ZNRF2: variants seen among roughly 807,000 people sequenced by gnomAD.
ZNRF2 encodes the protein zinc and ring finger 2, also known as E3 ubiquitin-protein ligase ZNRF2.
A neutral mutation model predicts 20.4 loss-of-function variants in ZNRF2; 16 were observed. The ratio of observed to expected loss-of-function variants is 0.79; its 90% CI spans 0.53 to 1.19. The LOEUF is 1.19. Ranked by LOEUF, ZNRF2 falls within the 50% of genes most tolerant of loss-of-function variation. The probability of loss-of-function intolerance (pLI) is 0.00; values close to 1 mark genes in which losing one functional copy is unlikely to be tolerated. For synonymous variants in ZNRF2, 178 were observed against 144.9 expected (o/e 1.23, Z -1.64); for missense variants, 363 against 332.4 (o/e 1.09, Z -0.72).
Position 30,323,729 on chromosome 7 carries a change from C to A in ZNRF2, c.557C>A (p.Thr186Asn). Residue 186 changes from threonine to asparagine, a missense_variant, in exon 2 of 5, where the codon ACC becomes AAC. Physicochemically the swap from Thr to Asn is moderately conservative, Grantham distance 65. Around this residue, in one of 2 missense-constraint regions of ZNRF2, gnomAD observed 61 missense variants for 100.9 expected, o/e 0.60. Coordinates refer to ENST00000323037, the MANE Select transcript of ZNRF2 (RefSeq NM_147128.4). ...ATGTGTTTAACAAAGCCACGAATAA[C>A]CTATAATGGTAAGTCCAATGGTTTA... ...LVMCLTKPRI[T>N]YNEDVLSKDA... 1.3e-6 allele frequency: 2 copies of A among 1,572,698 alleles called. No individual in the cohort carries two copies. The highest frequency in any genetic ancestry group is 1.4e-5 in the African/African-American group (1 of 73,000).
chr7:30,307,326 GTTTTTTTT>G (rs78007797), intron 1 of ZNRF2, among the ~76,000 whole-genome samples: 48 of 43,240 alleles, frequency 1.1e-3, no homozygotes, highest in East Asian at 7.4e-3. Context: ...GTTTTTTTTT[GTTTTTTTT>G]TTTTTTTTTT....
At chr7:30,355,668 A>T in intron 2 of ZNRF2, 60 bp from the exon 3 acceptor site, 1 of 1,403,574 alleles carries the variant, frequency 7.1e-7, no homozygotes, top group Non-Finnish European at 1.0e-6. Flanking sequence ...CATTCACGTA[A>T]TTCTTTTTTC....
At chr7:30,318,750 C>G (rs1295075748) in intron 1 of ZNRF2, among the ~76,000 whole-genome samples, 1 of 152,164 alleles carries the variant, frequency 6.6e-6, no homozygotes, top group Non-Finnish European at 1.5e-5. Context: ...TTTGATGCAG[C>G]AGTATGTGTC....
intron 2 of ZNRF2, among the ~76,000 whole-genome samples, chr7:30,354,264 C>G (rs1800002689): frequency 6.6e-6 from 1 of 152,118 alleles, no homozygotes; most frequent in Admixed American, 6.6e-5. Flanking sequence ...AAGTTTCTGA[C>G]TGTAATATAT....
At chr7:30,300,673 A>C (rs937805328) in intron 1 of ZNRF2, among the ~76,000 whole-genome samples, 2 of 152,240 alleles carry the variant, frequency 1.3e-5, no homozygotes, top group African/African-American at 4.8e-5. Context: ...CCAAATCCCC[A>C]GGAAAAGGAG....
At chr7:30,345,621 A>G (rs1055968853) in intron 2 of ZNRF2, among the ~76,000 whole-genome samples, 7 of 151,848 alleles carry the variant, frequency 4.6e-5, no homozygotes, top group Admixed American at 3.9e-4. Context: ...AGATTAATTT[A>G]GAACTTCTAT....
chr7:30,292,735 A>G (rs1378213498), intron 1 of ZNRF2, among the ~76,000 whole-genome samples: 12 of 152,156 alleles, frequency 7.9e-5, no homozygotes, highest in Non-Finnish European at 1.2e-4. Context: ...AGCAGTAACT[A>G]TAAAGGCCCT....
At chr7:30,294,002 A>G (rs10231711) in intron 1 of ZNRF2, among the ~76,000 whole-genome samples, 1 of 152,076 alleles carries the variant, frequency 6.6e-6, no homozygotes, top group African/African-American at 2.4e-5. Flanking sequence ...ATTTATTTTT[A>G]TTTTTATTGT....
intron 2 of ZNRF2, among the ~76,000 whole-genome samples, chr7:30,346,204 T>G (rs1308182726): frequency 2.5e-5 from 3 of 119,218 alleles, no homozygotes; most frequent in Admixed American, 8.4e-5. Flanking sequence ...TTTTTTTTTT[T>G]GTGCGTGTGG....
intron 1 of ZNRF2, among the ~76,000 whole-genome samples, chr7:30,308,049 G>A (rs1799236603): frequency 6.6e-6 from 1 of 152,066 alleles, no homozygotes; most frequent in Admixed American, 6.6e-5. Context: ...TGATAATGAA[G>A]CCCTTTTTTC....
At chr7:30,302,541 G>GGT (rs1799135051) in intron 1 of ZNRF2, among the ~76,000 whole-genome samples, 2 of 140,550 alleles carry the variant, frequency 1.4e-5, no homozygotes, top group African/African-American at 5.3e-5. Flanking sequence ...AAAGTACTAT[G>GGT]TTTTTTTTTT....
intron 2 of ZNRF2, among the ~76,000 whole-genome samples, chr7:30,348,680 C>G (rs1436827124): frequency 6.6e-6 from 1 of 152,174 alleles, no homozygotes. Flanking sequence ...TTTGATAGGA[C>G]TACATGTACC....
chr7:30,293,224 A>T (rs940152709), intron 1 of ZNRF2, among the ~76,000 whole-genome samples: 4 of 151,272 alleles, frequency 2.6e-5, no homozygotes, highest in South Asian at 2.1e-4. Context: ...GTTGCCATGA[A>T]CACCCTGGTA....
chr7:30,359,015 C>T (rs952994805), intron 3 of ZNRF2, among the ~76,000 whole-genome samples: 6 of 151,962 alleles, frequency 3.9e-5, no homozygotes, highest in South Asian at 4.1e-4. Flanking sequence ...TTGCCAGAGA[C>T]GAAATTACAG....
At chr7:30,295,110 T>G (rs114388683) in intron 1 of ZNRF2, among the ~76,000 whole-genome samples, 1,535 of 137,810 alleles carry the variant, frequency 0.011, 35 homozygotes, top group African/African-American at 0.039. Context: ...TGATTGCAGG[T>G]GTCAGCCACT....
intron 1 of ZNRF2, among the ~76,000 whole-genome samples, chr7:30,311,435 A>G (rs1383715583): frequency 1.3e-5 from 2 of 152,204 alleles, no homozygotes; most frequent in East Asian, 3.8e-4. Context: ...CAATATAGCT[A>G]AGGAAGTATA....
intron 2 of ZNRF2, among the ~76,000 whole-genome samples, chr7:30,338,519 TGTG>T (rs1799751353): frequency 6.9e-6 from 1 of 144,304 alleles, no homozygotes; most frequent in Admixed American, 7.4e-5. Flanking sequence ...AGTGAGAACA[TGTG>T]GTGTTTGGTT....
At chr7:30,326,745 TC>T (rs1035667177) in intron 2 of ZNRF2, among the ~76,000 whole-genome samples, 12 of 152,190 alleles carry the variant, frequency 7.9e-5, no homozygotes, top group Non-Finnish European at 1.3e-4. Flanking sequence ...TAATTTACAC[TC>T]CCACCAACAG....
chr7:30,294,039 A>G (rs1338020189), intron 1 of ZNRF2, among the ~76,000 whole-genome samples: 1 of 151,854 alleles, frequency 6.6e-6, no homozygotes, highest in East Asian at 1.9e-4. Flanking sequence ...TTTTGTGGAG[A>G]ACAGGGTCTC....
Sources: allele counts gnomAD v4.1 joint callset (sites outside exome capture counted in the v4.1 genomes callset), GRCh38; gene constraint gnomAD v4.1.1; regional missense constraint gnomAD v4.1.1; transcripts MANE v1.5; gene names NCBI Gene and HGNC (gene_info 2026-07-23, HGNC 2026-07-21).